The following FAM186B variants were observed in gnomAD, a reference collection of about 807,000 sequenced individuals.
The protein encoded by FAM186B is family with sequence similarity 186 member B.
FAM186B carries 68 observed loss-of-function variants against 83.4 expected under a neutral mutation model. The ratio of observed to expected loss-of-function variants is 0.81; its 90% CI spans 0.67 to 1.00. The LOEUF (loss-of-function observed/expected upper bound fraction) is 1.00, where lower values mean the gene tolerates loss of function less well. FAM186B is among the 50% of genes least tolerant of loss of function. The probability of loss-of-function intolerance (pLI) is 0.00; values close to 1 mark genes in which losing one functional copy is unlikely to be tolerated. For synonymous variants in FAM186B, 389 were observed against 422.0 expected, an observed-to-expected ratio of 0.92 and a Z score of 0.96; for missense variants, 983 against 1,099.2, an observed-to-expected ratio of 0.89 and a Z score of 1.49.
chr12:49,614,355 A>T, the FAM186B span, among the ~76,000 whole-genome samples: 3 of 152,228 alleles, frequency 2.0e-5, no homozygotes, highest in Admixed American at 1.3e-4. Flanking sequence ...GTTTTGGATA[A>T]AGAAAATGTG....
downstream of FAM186B, among the ~76,000 whole-genome samples, chr12:49,585,883 C>CGGCCACCACCCTGAGGTAGCAGCCT (rs1565802837): frequency 2.0e-5 from 3 of 152,212 alleles, no homozygotes; most frequent in Non-Finnish European, 4.4e-5. Flanking sequence ...GGAGGCAGCA[C>CGGCCACCACCCTGAGGTAGCAGCCT]GGCCACCACC....
Position 49,588,719 on chromosome 12 carries a change from A to AC in FAM186B, c.2365-97dup. Reference sequence around the variant, plus strand: ...GTCTGTTTGTTGGTGCCCCTGCTGGACTCAGGGCTGAGTGGAGAGGGTAAG... The same window carrying AC: ...GTCTGTTTGTTGGTGCCCCTGCTGGACCTCAGGGCTGAGTGGAGAGGGTAAG... On this transcript the variant is annotated intron_variant, in intron 5 of 6. Transcript: ENST00000257894. 3 of 1,303,130 alleles carry AC rather than the reference A, an allele frequency of 2.3e-6. No individual in the cohort carries two copies. In the South Asian group the frequency reaches 4.3e-5, roughly 19 times the overall value. 80.7% of individuals were successfully genotyped at this position (1,303,130 alleles called of 1,614,324 possible). A position where few individuals can be genotyped will look rare whatever the true frequency, so the allele number is the denominator to read the frequency against.
intron 2 of FAM186B, chr12:49,604,090 A>G (rs1675551744): frequency 1.8e-6 from 1 of 550,348 alleles, no homozygotes; most frequent in Admixed American, 3.1e-5. Context: ...ATGAGATGTC[A>G]TAATGGACCC....
upstream of FAM186B, among the ~76,000 whole-genome samples, chr12:49,608,235 A>G (rs1294303101): frequency 6.0e-5 from 9 of 150,944 alleles, no homozygotes; most frequent in Non-Finnish European, 8.9e-5. Context: ...TCATGCCTGT[A>G]ATCCCAGCAC....
rs747917457 is a variant in FAM186B, at chr12:49,601,040, C to T, written c.600G>A (p.Gln200=). The change falls in exon 4 of 7, where the codon CAG becomes CAA. Residue 200 remains glutamine (Q), a synonymous_variant. Coordinates refer to ENST00000257894, the MANE Select transcript of FAM186B (RefSeq NM_032130.3). ...PQPLSPEQML[Q]DQHTMNTKAS... ...CCTTCGTGTTCATGGTATGCTGGTC[C>T]TGGAGCATCTGTTCTGGGCTTAGTG... 1.2e-6 allele frequency: 2 copies of T among 1,614,100 alleles called. No individual in the cohort carries two copies. The highest frequency in any genetic ancestry group is 1.3e-5 in the African/African-American group (1 of 75,030).
downstream of FAM186B, chr12:49,587,484 G>A: frequency 7.2e-7 from 1 of 1,389,292 alleles, no homozygotes; most frequent in Non-Finnish European, 1.0e-6. Flanking sequence ...ATCTGGTGTG[G>A]GATAGCAAAT....
chr12:49,601,764 G>C (rs886942707), intron 3 of FAM186B, among the ~76,000 whole-genome samples: 2 of 151,936 alleles, frequency 1.3e-5, no homozygotes, highest in Non-Finnish European at 2.9e-5. Flanking sequence ...TTTTTCAAAG[G>C]CTGGGTCACG....
At chr12:49,591,826 A>G (rs953189327) in intron 5 of FAM186B, among the ~76,000 whole-genome samples, 4 of 152,210 alleles carry the variant, frequency 2.6e-5, no homozygotes, top group Non-Finnish European at 5.9e-5. Flanking sequence ...TCCTGTATAT[A>G]TTAAATGGTC....
chr12:49,589,595 C>T (rs876889), intron 5 of FAM186B, among the ~76,000 whole-genome samples: 31,253 of 151,838 alleles, frequency 0.21, 4,952 homozygotes, highest in African/African-American at 0.45. Context: ...TGCTGGGTTC[C>T]TGTTTTACAT....
At chr12:49,587,024 A>C (rs1939459672), downstream of FAM186B, among the ~76,000 whole-genome samples, 1 of 152,196 alleles carries the variant, frequency 6.6e-6, no homozygotes, top group Admixed American at 6.5e-5. Context: ...GCTCATGTAG[A>C]GAGGGTCCTT....
chr12:49,583,145 C>T, downstream of FAM186B: 1 of 444,802 alleles, frequency 2.2e-6, no homozygotes, highest in South Asian at 1.6e-5. Flanking sequence ...ATATGGGTGC[C>T]AAAATATAAA....
At chr12:49,616,503 T>A in the FAM186B span, among the ~76,000 whole-genome samples, 1 of 152,186 alleles carries the variant, frequency 6.6e-6, no homozygotes, top group Non-Finnish European at 1.5e-5. Context: ...AAACAAATTG[T>A]AGTATGTCCG....
At chr12:49,606,991 A>G (rs1263258123), upstream of FAM186B, among the ~76,000 whole-genome samples, 1 of 152,224 alleles carries the variant, frequency 6.6e-6, no homozygotes, top group Non-Finnish European at 1.5e-5. Flanking sequence ...ATTCCCAAAT[A>G]TTTTACAAAT....
chr12:49,600,716 G>A lies in FAM186B; in HGVS notation c.924C>T (p.Leu308=). 1 of 1,614,160 alleles carries A rather than the reference G, an allele frequency of 6.2e-7. No individual in the cohort carries two copies. Among genetic ancestry groups the A allele is most frequent in the Non-Finnish European group, 8.5e-7 (1 of 1,180,024 alleles). The change falls in exon 4 of 7, where the codon CTC becomes CTT. Residue 308 remains leucine (L), a synonymous_variant. Transcript: ENST00000257894. This position sits in a 1 kb window ranked among gnomAD's most constrained non-coding sequence, Gnocchi z 4.3. ...GGAACTCCAAGGCCTGCTTCATCAG[G>A]AGAAGGTCATGGTACCTTCCCCCTA... The part of the protein sequence containing the change: ...EILGGRYHDL[L]LMKQALEFQL...
chr12:49,590,413 C>T lies in FAM186B; in HGVS notation c.2365-1790G>A, dbSNP rs991315913. Among the ~76,000 whole-genome samples, 12 of 152,190 alleles carry T rather than the reference C, an allele frequency of 7.9e-5. No individual in the cohort carries two copies. In the East Asian group the frequency reaches 2.3e-3, roughly 29 times the overall value. ...GTGACCCAATTAAAGATTGGGGTTA[C>T]TTTTTTATTATTTTTGGCAGGTGAG... On this transcript the variant is annotated intron_variant, in intron 5 of 6. Transcript: ENST00000257894.
the FAM186B span, among the ~76,000 whole-genome samples, chr12:49,619,787 G>A: frequency 6.9e-6 from 1 of 145,338 alleles, no homozygotes; most frequent in African/African-American, 2.6e-5. Flanking sequence ...TGACTCTCCT[G>A]CCTCAGCCTC....
chr12:49,595,907 C>G (rs1176593596), intron 5 of FAM186B, among the ~76,000 whole-genome samples: 1 of 152,208 alleles, frequency 6.6e-6, no homozygotes, highest in African/African-American at 2.4e-5. Context: ...TGGCGTGAAC[C>G]TGGGAGGCGG....
intron 1 of FAM186B, chr12:49,605,181 G>T (rs538523692): frequency 7.2e-7 from 1 of 1,398,054 alleles, no homozygotes; most frequent in Non-Finnish European, 9.3e-7. Flanking sequence ...TGCCTCAGGC[G>T]GGTGGTTGCT....
rs144983638 is a variant in FAM186B, at chr12:49,598,777, C to G, written c.2342G>C (p.Ser781Thr). 67 of 1,610,294 alleles carry G rather than the reference C, an allele frequency of 4.2e-5. No individual in the cohort carries two copies. Among genetic ancestry groups the G allele is most frequent in the Non-Finnish European group, 5.4e-5 (64 of 1,179,430 alleles). Residue 781 changes from serine (S) to threonine (T), a missense_variant, in exon 5 of 7, where the codon AGC becomes ACC. Physicochemically the swap from Ser to Thr is moderately conservative, Grantham distance 58. Coordinates refer to ENST00000257894, the MANE Select transcript of FAM186B (RefSeq NM_032130.3). Reference sequence around the variant, plus strand: ...CACCTTGGGGAACATGGTCACCATGCTGCTCAGGCACTCTCGGTGCTTCTC... The same window carrying G: ...CACCTTGGGGAACATGGTCACCATGGTGCTCAGGCACTCTCGGTGCTTCTC... ...LEEKHRECLS[S>T]MVTMFPKLQL...
Sources: gnomAD v4.1 joint callset for allele counts (sites outside exome capture counted in the v4.1 genomes callset) on GRCh38, gnomAD v4.1.1 for gene constraint, Gnocchi (gnomAD v3.1) non-coding constraint, MANE v1.5 for transcripts, NCBI Gene and HGNC (gene_info 2026-07-23, HGNC 2026-07-21) for gene names.